Variants in CSMD3 observed in about 807,000 individuals in gnomAD.
The protein encoded by CSMD3 is CUB and Sushi multiple domains 3.
CSMD3 carries 177 observed loss-of-function variants against 435.2 expected under a neutral mutation model. That is an observed-to-expected ratio of 0.41 (90% CI 0.36 to 0.46). The LOEUF is 0.46. Ranked by LOEUF, CSMD3 falls within the 20% of genes least tolerant of loss-of-function variation. CSMD3 has a pLI of 0.34. For synonymous variants in CSMD3, 1,656 were observed against 1,520.5 expected (o/e 1.09, Z -2.07); for missense variants, 4,265 against 4,504.6 (o/e 0.95, Z 1.52).
chr8:113,186,418 C>A (rs1480460), intron 3 of CSMD3, among the ~76,000 whole-genome samples: 3,297 of 152,098 alleles, frequency 0.022, 132 homozygotes, highest in African/African-American at 0.076. Context: ...GTCAAAGTAG[C>A]AGCCTTTCAA....
At chr8:112,927,837 A>G (rs1310951574) in intron 9 of CSMD3, among the ~76,000 whole-genome samples, 1 of 152,134 alleles carries the variant, frequency 6.6e-6, no homozygotes, top group Non-Finnish European at 1.5e-5. Context: ...CAGCATTCAC[A>G]CACTTTCATA....
intron 22 of CSMD3, among the ~76,000 whole-genome samples, chr8:112,590,114 G>A (rs766521163): frequency 3.9e-5 from 6 of 152,082 alleles, no homozygotes; most frequent in Non-Finnish European, 7.4e-5. Context: ...AGAATGCTCT[G>A]ATTTGGAAAA....
intron 38 of CSMD3, among the ~76,000 whole-genome samples, chr8:112,356,832 A>G (rs188049334): frequency 7.6e-4 from 115 of 152,232 alleles, no homozygotes; most frequent in African/African-American, 2.7e-3. Context: ...GCCTTCCACC[A>G]TGATTATGAG....
chr8:112,239,812 T>A (rs1354344504), intron 66 of CSMD3, among the ~76,000 whole-genome samples: 1 of 152,096 alleles, frequency 6.6e-6, no homozygotes, highest in African/African-American at 2.4e-5. Flanking sequence ...ATTTTTCTAC[T>A]TTGTTTCTGA....
intron 9 of CSMD3, among the ~76,000 whole-genome samples, chr8:112,932,569 C>T (rs1436738717): frequency 1.3e-5 from 2 of 151,706 alleles, no homozygotes; most frequent in Non-Finnish European, 2.9e-5. Flanking sequence ...ACCCAGAAGG[C>T]GGAGCTCGCA....
chr8:112,991,651 CCAGT>C (rs1025272678), intron 6 of CSMD3, among the ~76,000 whole-genome samples: 15 of 151,650 alleles, frequency 9.9e-5, no homozygotes, highest in East Asian at 3.9e-4. Flanking sequence ...AAGTAATATA[CCAGT>C]CAGTCAGTCA....
intron 27 of CSMD3, among the ~76,000 whole-genome samples, chr8:112,547,732 C>A (rs1458231083): frequency 6.6e-6 from 1 of 151,920 alleles, no homozygotes. Context: ...AATTTAAGCA[C>A]ATGGGAGCAG....
intron 16 of CSMD3, among the ~76,000 whole-genome samples, chr8:112,668,952 A>C (rs2075591689): frequency 6.6e-6 from 1 of 152,070 alleles, no homozygotes; most frequent in South Asian, 2.1e-4. Flanking sequence ...AAAACAAAAC[A>C]AAACAAAACA....
intron 17 of CSMD3, among the ~76,000 whole-genome samples, chr8:112,665,721 G>A (rs908690363): frequency 1.3e-5 from 2 of 152,026 alleles, no homozygotes; most frequent in African/African-American, 2.4e-5. Flanking sequence ...ATTCTTTTAA[G>A]ATTTAAAATA....
intron 13 of CSMD3, among the ~76,000 whole-genome samples, chr8:112,771,056 A>G (rs2078100841): frequency 6.6e-6 from 1 of 152,122 alleles, no homozygotes; most frequent in Admixed American, 6.6e-5. Flanking sequence ...GGATGAAAAT[A>G]AAACCATACA....
intron 32 of CSMD3, among the ~76,000 whole-genome samples, chr8:112,458,575 C>A (rs1376623464): frequency 6.6e-6 from 1 of 152,100 alleles, no homozygotes; most frequent in East Asian, 1.9e-4. Context: ...TGCTTTTGTC[C>A]AAGGAGTAGT....
At chr8:112,724,390 T>C (rs2076923010) in intron 13 of CSMD3, among the ~76,000 whole-genome samples, 1 of 151,982 alleles carries the variant, frequency 6.6e-6, no homozygotes, top group Non-Finnish European at 1.5e-5. Context: ...TGATAAAGGA[T>C]TGAATTCCAG....
chr8:113,137,938 T>G (rs565591936), intron 4 of CSMD3, among the ~76,000 whole-genome samples: 1 of 151,766 alleles, frequency 6.6e-6, no homozygotes, highest in South Asian at 2.1e-4. Context: ...TCTCAACTTC[T>G]TCTCCTTAGC....
intron 3 of CSMD3, among the ~76,000 whole-genome samples, chr8:113,187,098 G>C (rs1327538032): frequency 6.6e-6 from 1 of 151,540 alleles, no homozygotes; most frequent in Non-Finnish European, 1.5e-5. Flanking sequence ...TGTGAGGTGG[G>C]CGGGGGGCTG....
chr8:112,823,811 G>A (rs1294649345), intron 12 of CSMD3, among the ~76,000 whole-genome samples: 1 of 152,108 alleles, frequency 6.6e-6, no homozygotes, highest in Non-Finnish European at 1.5e-5. Context: ...ATTTGGGGTG[G>A]AGCGTTCTGT....
intron 32 of CSMD3, among the ~76,000 whole-genome samples, chr8:112,443,664 T>C (rs545837594): frequency 3.5e-4 from 53 of 152,172 alleles, no homozygotes; most frequent in African/African-American, 1.1e-3. Context: ...CCTAGTTATC[T>C]TTATATTAAA....
intron 1 of CSMD3, among the ~76,000 whole-genome samples, chr8:113,434,257 A>G (rs16884689): frequency 0.25 from 37,982 of 152,072 alleles, 5,526 homozygotes; most frequent in East Asian, 0.46. Flanking sequence ...ACGCTAGTCT[A>G]GATTAGAACC....
In CSMD3 at chr8:112,992,961, T is replaced by C. The variant is rs76262822; in HGVS notation, c.1031-16813A>G. Among the ~76,000 whole-genome samples the C allele has an allele frequency of 6.7e-3, 1,016 of 151,676 alleles. 12 individuals carry two copies. Among genetic ancestry groups the C allele is most frequent in the African/African-American group, 0.024 (974 of 41,416 alleles). ...TCCCCTAACAAGATCATCCCAAAGA[T>C]GAAAAAGTTTGAAAATCACTATTAC... On this transcript the variant is annotated intron_variant, in intron 6 of 70. Coordinates refer to ENST00000297405, the MANE Select transcript of CSMD3 (RefSeq NM_198123.2).
intron 22 of CSMD3, among the ~76,000 whole-genome samples, chr8:112,602,331 CAAG>C: frequency 6.6e-6 from 1 of 152,162 alleles, no homozygotes; most frequent in Admixed American, 6.5e-5. Context: ...TTTGGCAGGG[CAAG>C]GAGGGTGGAC....
Sources: allele counts gnomAD v4.1 joint callset (sites outside exome capture counted in the v4.1 genomes callset), GRCh38; gene constraint gnomAD v4.1.1; transcripts MANE v1.5; gene names NCBI Gene and HGNC (gene_info 2026-07-23, HGNC 2026-07-21).